The following RALGAPA2 variants were observed in gnomAD, a reference collection of about 807,000 sequenced individuals.
The protein encoded by RALGAPA2 is Ral GTPase activating protein catalytic subunit alpha 2.
RALGAPA2 carries 139 observed loss-of-function variants against 230.4 expected under a neutral mutation model. The ratio of observed to expected loss-of-function variants is 0.60; its 90% CI spans 0.53 to 0.69. RALGAPA2 has a LOEUF of 0.69. Among genes scored for constraint, RALGAPA2 ranks in the 30% least tolerant of loss-of-function variants. RALGAPA2 has a pLI of 0.00. For synonymous variants in RALGAPA2, 847 were observed against 837.8 expected (o/e 1.01, Z -0.19); for missense variants, 2,163 against 2,276.0 (o/e 0.95, Z 1.01).
intron 37 of RALGAPA2, among the ~76,000 whole-genome samples, chr20:20,468,514 T>C (rs2061469610): frequency 6.6e-6 from 1 of 152,206 alleles, no homozygotes; most frequent in Non-Finnish European, 1.5e-5. Flanking sequence ...GGTCCTCTTA[T>C]ACCCAATCCT....
chr20:20,696,510 G>A (rs928121124), intron 1 of RALGAPA2, among the ~76,000 whole-genome samples: 1 of 152,050 alleles, frequency 6.6e-6, no homozygotes, highest in African/African-American at 2.4e-5. Flanking sequence ...CTTCACTGGA[G>A]TGCCCCATCT....
chr20:20,687,213 G>T (rs2068736055), intron 1 of RALGAPA2, among the ~76,000 whole-genome samples: 1 of 152,198 alleles, frequency 6.6e-6, no homozygotes, highest in East Asian at 1.9e-4. Flanking sequence ...AGCACTCAGT[G>T]AGAACAAGGA....
intron 1 of RALGAPA2, among the ~76,000 whole-genome samples, chr20:20,698,253 G>A (rs1338111520): frequency 4.6e-5 from 7 of 151,476 alleles, no homozygotes; most frequent in Non-Finnish European, 8.8e-5. Context: ...AAGCACCACT[G>A]AATTGTTTAC....
At chr20:20,427,972 T>C (rs918021433) in intron 37 of RALGAPA2, among the ~76,000 whole-genome samples, 3 of 152,124 alleles carry the variant, frequency 2.0e-5, no homozygotes, top group African/African-American at 7.2e-5. Context: ...CAGAAGGAAT[T>C]CAGGTTAAAA....
rs193044474 is a variant in RALGAPA2 at position 20,532,773 on chromosome 20, G to A, written c.3474-978C>T. Among the ~76,000 whole-genome samples the A allele has an allele frequency of 1.3e-4, 20 of 152,254 alleles. No homozygotes were observed. The East Asian group carries it at 3.9e-3, about 29-fold the overall frequency. ...GAATAGGCCCAGCCCTAAGCCCTGCGTCACTCTAACATTCATCAGAGATTA... is the reference window on the plus strand; with the variant it reads ...GAATAGGCCCAGCCCTAAGCCCTGCATCACTCTAACATTCATCAGAGATTA... On this transcript the variant is annotated intron_variant, in intron 26 of 39. Transcript: ENST00000202677.
intron 7 of RALGAPA2, among the ~76,000 whole-genome samples, chr20:20,638,496 ACT>A (rs1418563737): frequency 1.3e-5 from 2 of 151,982 alleles, no homozygotes; most frequent in Admixed American, 6.6e-5. Flanking sequence ...TGCACCTAAA[ACT>A]CTGCACACAA....
intron 37 of RALGAPA2, 157 bp downstream of exon 37, chr20:20,472,672 A>G: frequency 1.7e-6 from 1 of 601,820 alleles, no homozygotes; most frequent in South Asian, 4.2e-5. Context: ...TAAATTAACA[A>G]ATGCTATGAA....
intron 31 of RALGAPA2, among the ~76,000 whole-genome samples, chr20:20,515,848 GC>G (rs1366659272): frequency 8.0e-4 from 122 of 151,908 alleles, no homozygotes; most frequent in African/African-American, 2.8e-3. Flanking sequence ...TGGGAGTGGG[GC>G]GGGGGGGGCA....
Position 20,677,628 on chromosome 20 carries a change from C to CTTTTTT in RALGAPA2, c.218-1341_218-1340insAAAAAA, listed in dbSNP as rs1568741580. ...AGCAGCCAAGAATCATGATTTGACC[C>CTTTTTT]ATTTTTTTTTTTTTTTTTTTTTTTT... is the stretch of plus-strand genomic sequence containing the variant. On this transcript the variant is annotated intron_variant, in intron 2 of 39. Coordinates refer to ENST00000202677, the MANE Select transcript of RALGAPA2 (RefSeq NM_020343.4). 1.1e-4 allele frequency among the ~76,000 whole-genome samples: 14 copies of CTTTTTT among 121,834 alleles called. 1 individual carries two copies. The highest frequency in any genetic ancestry group is 1.3e-4 in the Non-Finnish European group (8 of 59,578). 79.9% of individuals were successfully genotyped at this position (121,834 alleles called of 152,430 possible). A position where few individuals can be genotyped will look rare whatever the true frequency, so the allele number is the denominator to read the frequency against.
intron 23 of RALGAPA2, among the ~76,000 whole-genome samples, chr20:20,548,155 T>C (rs1308382255): frequency 6.6e-6 from 1 of 151,068 alleles, no homozygotes; most frequent in Non-Finnish European, 1.5e-5. Context: ...ACACACAAAA[T>C]CCTAGTTTCT....
At chr20:20,521,139 C>T in intron 30 of RALGAPA2, 39 bp from the exon 31 acceptor site, 2 of 1,521,090 alleles carry the variant, frequency 1.3e-6, no homozygotes, top group Non-Finnish European at 1.8e-6. Flanking sequence ...GGATGCTACT[C>T]ACCGCGTGTC....
chr20:20,436,785 C>T (rs967244300), intron 37 of RALGAPA2, among the ~76,000 whole-genome samples: 3 of 152,238 alleles, frequency 2.0e-5, no homozygotes, highest in African/African-American at 4.8e-5. Context: ...GCGTCAAGCC[C>T]CAGGCTCCTG....
At chr20:20,435,116 G>C (rs1333607503) in intron 37 of RALGAPA2, among the ~76,000 whole-genome samples, 1 of 152,246 alleles carries the variant, frequency 6.6e-6, no homozygotes, top group Non-Finnish European at 1.5e-5. Context: ...CAATGCTTGA[G>C]GTGCAAGGTA....
Position 20,701,837 on chromosome 20 carries a change from C to T in RALGAPA2, c.106+10538G>A, listed in dbSNP as rs183421752. Among the ~76,000 whole-genome samples, 5 of 151,884 alleles carry T rather than the reference C, an allele frequency of 3.3e-5. No homozygotes were observed. In the East Asian group the frequency reaches 7.8e-4, roughly 24 times the overall value. ...TGGGTGGATCACAAGGTCAGGAGTT[C>T]GAGACCAGCCTGGCCAAGATGGTGA... On this transcript the variant is annotated intron_variant, in intron 1 of 39. Transcript: ENST00000202677.
intron 3 of RALGAPA2, among the ~76,000 whole-genome samples, chr20:20,658,872 C>T (rs2067678122): frequency 6.6e-6 from 1 of 152,332 alleles, no homozygotes; most frequent in African/African-American, 2.4e-5. Flanking sequence ...AGTGGATTCA[C>T]ACTTGATTTC....
At chr20:20,685,307 A>T (rs1271452035) in intron 1 of RALGAPA2, among the ~76,000 whole-genome samples, 1 of 152,220 alleles carries the variant, frequency 6.6e-6, no homozygotes, top group African/African-American at 2.4e-5. Flanking sequence ...CAAGTAACAG[A>T]ACAGGCACCA....
chr20:20,598,058 T>A (rs530637650), intron 16 of RALGAPA2, among the ~76,000 whole-genome samples: 1 of 152,186 alleles, frequency 6.6e-6, no homozygotes, highest in Non-Finnish European at 1.5e-5. Flanking sequence ...TTTGGTGCTA[T>A]GATATCTTAA....
At position 20,705,662 on chromosome 20, in the gene RALGAPA2, G is replaced by GTTGTTTTGTT. The variant is rs550201915; in HGVS notation, c.106+6703_106+6712dup. Among the ~76,000 whole-genome samples, 793 of 151,966 alleles carry GTTGTTTTGTT rather than the reference G, an allele frequency of 5.2e-3. 6 individuals carry two copies. Among genetic ancestry groups the GTTGTTTTGTT allele is most frequent in the African/African-American group, 0.018 (754 of 41,430 alleles). Reference sequence around the variant, plus strand: ...TTGAAAGTCAAGTTTTGTTGTTGTTGTTGTTTTGTTTTGTTTTGTTTTGTT... The same window carrying GTTGTTTTGTT: ...TTGAAAGTCAAGTTTTGTTGTTGTTGTTGTTTTGTTTTGTTTTGTTTTGTTTTGTTTTGTT... On this transcript the variant is annotated intron_variant, in intron 1 of 39. Coordinates refer to ENST00000202677, the MANE Select transcript of RALGAPA2 (RefSeq NM_020343.4).
Position 20,676,282 on chromosome 20 carries a change from T to C in RALGAPA2, c.224A>G (p.Asn75Ser). The C allele has an allele frequency of 5.8e-6, 9 of 1,562,124 alleles. No individual in the cohort carries two copies. The highest frequency in any genetic ancestry group is 1.4e-5 in the African/African-American group (1 of 73,752). Residue 75 changes from asparagine (N) to serine (S), a missense_variant, in exon 3 of 40, where the codon AAT becomes AGT. Physicochemically the swap from Asn to Ser is conservative, Grantham distance 46. Transcript: ENST00000202677. ...LENSLKLKGN[N>S]KSQREELDSI... ...GTCCAGCTCCTCCCTTTGTGACTTA[T>C]TATTCCCTGGAATATTAAAAAATAA...
Sources: allele counts gnomAD v4.1 joint callset (sites outside exome capture counted in the v4.1 genomes callset), GRCh38; gene constraint gnomAD v4.1.1; transcripts MANE v1.5; gene names NCBI Gene and HGNC (gene_info 2026-07-23, HGNC 2026-07-21).